Variants in COL4A1 observed in about 807,000 individuals in gnomAD.
COL4A1 encodes collagen type IV alpha 1 chain.
A neutral mutation model predicts 216.6 loss-of-function variants in COL4A1; 40 were observed. That is an observed-to-expected ratio of 0.18 (90% CI 0.14 to 0.24). The LOEUF is 0.24. COL4A1 is among the 10% of genes least tolerant of loss of function. The pLI, the probability that COL4A1 is intolerant of heterozygous loss-of-function variation, is 1.00. For missense variants in COL4A1, 1,628 were observed against 2,196.8 expected (o/e 0.74, Z 5.18); for synonymous variants, 839 against 810.7 (o/e 1.03, Z -0.59).
chr13:110,263,742 A>G lies in COL4A1; in HGVS notation c.85-21008T>C, dbSNP rs111420668. ...AATTATATATTAAATGAAAATGTAA[A>G]TTTAATCATTAAATGGCATATTATT... On this transcript the variant is annotated intron_variant, in intron 1 of 51. Coordinates refer to ENST00000375820, the MANE Select transcript of COL4A1 (RefSeq NM_001845.6). 2.5e-3 allele frequency among the ~76,000 whole-genome samples: 375 copies of G among 152,364 alleles called. 3 individuals are homozygous for G. The highest frequency in any genetic ancestry group is 8.7e-3 in the African/African-American group (361 of 41,582).
chr13:110,188,937 A>C (rs149801292), intron 24 of COL4A1, among the ~76,000 whole-genome samples: 111 of 152,314 alleles, frequency 7.3e-4, no homozygotes, highest in East Asian at 1.7e-3. Flanking sequence ...AAGTATGGAG[A>C]GAGTCGGCAG....
At chr13:110,218,614 A>G (rs915508281) in intron 2 of COL4A1, among the ~76,000 whole-genome samples, 2 of 152,252 alleles carry the variant, frequency 1.3e-5, no homozygotes, top group Admixed American at 1.3e-4. Flanking sequence ...AGCATGAGGT[A>G]GGATTCCACA....
intron 2 of COL4A1, among the ~76,000 whole-genome samples, chr13:110,217,349 G>A (rs1289112233): frequency 2.6e-5 from 4 of 152,200 alleles, no homozygotes; most frequent in Admixed American, 6.5e-5. Context: ...CTTTGCAGCT[G>A]CAACTGGCAA....
At chr13:110,184,722 T>C (rs1038265804) in intron 26 of COL4A1, among the ~76,000 whole-genome samples, 4 of 152,180 alleles carry the variant, frequency 2.6e-5, no homozygotes, top group Admixed American at 2.6e-4. Context: ...TTTGTTTGTT[T>C]GTTTTTGAGA....
intron 24 of COL4A1, among the ~76,000 whole-genome samples, chr13:110,191,837 A>G (rs1175910265): frequency 1.3e-5 from 2 of 152,250 alleles, no homozygotes; most frequent in Non-Finnish European, 2.9e-5. Context: ...TAACACAGAA[A>G]GACGGCACTT....
intron 50 of COL4A1, among the ~76,000 whole-genome samples, 169 bp from the exon 51 acceptor site, chr13:110,152,675 G>A (rs986410551): frequency 2.6e-5 from 4 of 152,362 alleles, no homozygotes; most frequent in Admixed American, 6.5e-5. Flanking sequence ...GGGCTGGCCC[G>A]CAAGCCAGTG....
intron 1 of COL4A1, among the ~76,000 whole-genome samples, chr13:110,276,213 C>T (rs1047168909): frequency 1.7e-4 from 26 of 152,158 alleles, no homozygotes; most frequent in Admixed American, 1.7e-3. Flanking sequence ...TGCTGTGAAC[C>T]TAAACTTGCT....
At chr13:110,193,500 A>G (rs1386622482) in intron 22 of COL4A1, among the ~76,000 whole-genome samples, 1 of 152,254 alleles carries the variant, frequency 6.6e-6, no homozygotes, top group African/African-American at 2.4e-5. Context: ...AGCCAAGCTC[A>G]GAGACCTTAC....
chr13:110,278,864 T>C (rs1307717406), intron 1 of COL4A1, among the ~76,000 whole-genome samples: 3 of 152,166 alleles, frequency 2.0e-5, no homozygotes, highest in Non-Finnish European at 4.4e-5. Flanking sequence ...CCTTAGATGT[T>C]TCAGCAGCTC....
intron 1 of COL4A1, among the ~76,000 whole-genome samples, chr13:110,301,217 T>G (rs1884477418): frequency 6.6e-6 from 1 of 152,148 alleles, no homozygotes; most frequent in African/African-American, 2.4e-5. Context: ...AGCAGGCAGC[T>G]CCCTCTAGGA....
chr13:110,176,878 G>A lies in COL4A1; in HGVS notation c.2869+7C>T. On this transcript the variant is annotated splice_region_variant and intron_variant, in intron 34 of 51. Transcript: ENST00000375820. ...GAGCTTGGCCATGAGAAGCCTCCTG[G>A]ACTTGCCTTTCTCTCCTTGGTCTCC... The A allele has an allele frequency of 6.2e-7, 1 of 1,614,188 alleles. No individual in the cohort carries two copies.
In COL4A1 at chr13:110,186,518, A is replaced by G; in HGVS notation, c.1764T>C (p.Pro588=). 3.1e-6 allele frequency: 5 copies of G among 1,613,980 alleles called. No individual in the cohort carries two copies. Among genetic ancestry groups the G allele is most frequent in the Non-Finnish European group, 4.2e-6 (5 of 1,179,964 alleles). Residue 588 remains proline, a synonymous_variant, in exon 26 of 52, where the codon CCT becomes CCC. Coordinates refer to ENST00000375820, the MANE Select transcript of COL4A1 (RefSeq NM_001845.6). ...GACTGCCTGGGAATCCAACTCCTCCAGGGGGGCCACGCTCTCCTTTCAATC... is the reference window on the plus strand; with the variant it reads ...GACTGCCTGGGAATCCAACTCCTCCGGGGGGGCCACGCTCTCCTTTCAATC... The part of the protein sequence containing the change: ...SVGLKGERGP[P]GGVGFPGSRG...
At chr13:110,162,810 C>T (rs1347841989) in intron 47 of COL4A1, among the ~76,000 whole-genome samples, 2 of 152,178 alleles carry the variant, frequency 1.3e-5, no homozygotes, top group Non-Finnish European at 2.9e-5. Flanking sequence ...CACACGGAAT[C>T]GTGGGGCTCC....
chr13:110,168,851 G>C (rs764289202), intron 43 of COL4A1, among the ~76,000 whole-genome samples: 3 of 152,216 alleles, frequency 2.0e-5, no homozygotes, highest in Non-Finnish European at 2.9e-5. Context: ...GAGACAGACA[G>C]ATGGAGACAG....
intron 20 of COL4A1, among the ~76,000 whole-genome samples, chr13:110,199,318 G>A (rs1180088745): frequency 6.6e-6 from 1 of 152,198 alleles, no homozygotes; most frequent in Admixed American, 6.5e-5. Flanking sequence ...AAAAAGGACA[G>A]TCGAGGGAAA....
chr13:110,192,912 A>C lies in COL4A1; in HGVS notation c.1383T>G (p.Gly461=), dbSNP rs1878707551. Reference sequence around the variant, plus strand: ...AGATGAGGCAACTCTCTCCTTTTTGACCTAAAAAAGAAAACACAAAGGTGC... The same window carrying C: ...AGATGAGGCAACTCTCTCCTTTTTGCCCTAAAAAAGAAAACACAAAGGTGC... ...PGFIGEIGEK[G]QKGESCLICD... The change falls in exon 23 of 52, where the codon GGT becomes GGG. Residue 461 remains glycine, a splice_region_variant and synonymous_variant. Transcript: ENST00000375820. The C allele has an allele frequency of 6.2e-7, 1 of 1,613,872 alleles. No homozygotes were observed. Among genetic ancestry groups the C allele is most frequent in the African/African-American group, 1.3e-5 (1 of 74,870 alleles).
intron 1 of COL4A1, among the ~76,000 whole-genome samples, chr13:110,261,023 C>A (rs1371202945): frequency 5.4e-5 from 3 of 55,612 alleles, no homozygotes; most frequent in Non-Finnish European, 9.5e-5. Context: ...GGTGACAGAG[C>A]GAGACTCCGT....
chr13:110,306,126 A>C (rs940777340), intron 1 of COL4A1, among the ~76,000 whole-genome samples: 2 of 152,172 alleles, frequency 1.3e-5, no homozygotes, highest in Non-Finnish European at 2.9e-5. Flanking sequence ...CACGGCTGGA[A>C]GCCTCGACTC....
chr13:110,201,571 G>T, intron 18 of COL4A1, 49 bp from the exon 19 acceptor site: 1 of 1,443,842 alleles, frequency 6.9e-7, no homozygotes, highest in Non-Finnish European at 9.8e-7. Context: ...GGAATGGCTA[G>T]TCCTGTATAG....
Sources: allele counts gnomAD v4.1 joint callset (sites outside exome capture counted in the v4.1 genomes callset), GRCh38; gene constraint gnomAD v4.1.1; transcripts MANE v1.5; gene names NCBI Gene and HGNC (gene_info 2026-07-23, HGNC 2026-07-21).